CNTFR: variants seen among roughly 807,000 people sequenced by gnomAD.
CNTFR encodes ciliary neurotrophic factor receptor subunit alpha.
CNTFR carries 12 observed loss-of-function variants against 40.4 expected under a neutral mutation model. The ratio of observed to expected loss-of-function variants is 0.30; its 90% CI spans 0.19 to 0.48. The LOEUF is 0.48. CNTFR is among the 20% of genes least tolerant of loss of function. The pLI is 0.99. For synonymous variants in CNTFR, 202 were observed against 209.6 expected (o/e 0.96, Z 0.31); for missense variants, 414 against 506.8 (o/e 0.82, Z 1.76).
intron 2 of CNTFR, among the ~76,000 whole-genome samples, chr9:34,579,845 G>T (rs1282791304): frequency 6.6e-6 from 1 of 151,946 alleles, no homozygotes; most frequent in Non-Finnish European, 1.5e-5. Context: ...GCTGGGGGAG[G>T]GTGAACAGAA....
At position 34,557,500 on chromosome 9, in the gene CNTFR, C is replaced by T. The variant is rs1485350003; in HGVS notation, c.604+26G>A. On this transcript the variant is annotated intron_variant, in intron 6 of 9. Transcript: ENST00000378980. The surrounding 1 kb of genome is among the most constrained non-coding windows in gnomAD (Gnocchi z 4.2). ...CTTACATTCCCACTGGAGTAGGCAG[C>T]AGGTCCCCCCAACCGCCACACGTAC... is the stretch of plus-strand genomic sequence containing the variant. The T allele has an allele frequency of 1.7e-5, 27 of 1,606,838 alleles. No homozygotes were observed. The highest frequency in any genetic ancestry group is 2.1e-5 in the Non-Finnish European group (25 of 1,174,308).
chr9:34,585,468 C>T (rs1446151079), intron 1 of CNTFR, among the ~76,000 whole-genome samples: 1 of 152,148 alleles, frequency 6.6e-6, no homozygotes, highest in East Asian at 1.9e-4. Context: ...CTAGTCTTAG[C>T]TTTTGGGAGC....
At chr9:34,575,438 G>C (rs896416874) in intron 2 of CNTFR, among the ~76,000 whole-genome samples, 4 of 152,148 alleles carry the variant, frequency 2.6e-5, no homozygotes, top group Admixed American at 6.5e-5. Context: ...GCAGGGGGGT[G>C]GGGTAAGGAA....
chr9:34,590,394 G>A (rs534706669), upstream of CNTFR, among the ~76,000 whole-genome samples: 1 of 152,238 alleles, frequency 6.6e-6, no homozygotes, highest in African/African-American at 2.4e-5. Context: ...AGAGGAACGC[G>A]AGCCAGAACC....
intron 1 of CNTFR, among the ~76,000 whole-genome samples, chr9:34,588,839 G>A (rs565788981): frequency 3.3e-4 from 50 of 152,162 alleles, no homozygotes; most frequent in African/African-American, 1.2e-3. Context: ...TACACTACTC[G>A]GAGCAACACA....
Position 34,581,132 on chromosome 9 carries a change from C to T in CNTFR, c.-38G>A, listed in dbSNP as rs1291714287. ...GGCCACACACCAAGCACATCAATGT[C>T]CTCCTCCTCCTCCAGACCAACTCTT... On this transcript the variant is annotated 5_prime_UTR_variant, in exon 2 of 10. Coordinates refer to ENST00000378980, the MANE Select transcript of CNTFR (RefSeq NM_147164.3). 6.5e-6 allele frequency: 1 copy of T among 153,010 alleles called. No individual in the cohort carries two copies. Among genetic ancestry groups the T allele is most frequent in the Non-Finnish European group, 1.5e-5 (1 of 68,546 alleles). The allele number at this position is 153,010 out of a possible 1,614,324, so 9.5% of individuals were successfully genotyped here.
upstream of CNTFR, among the ~76,000 whole-genome samples, chr9:34,590,627 C>G (rs1827737557): frequency 6.6e-6 from 1 of 152,198 alleles, no homozygotes; most frequent in Non-Finnish European, 1.5e-5. Flanking sequence ...GACACACAGC[C>G]GGGGGAGAAG....
chr9:34,577,156 G>A (rs927762354), intron 2 of CNTFR, among the ~76,000 whole-genome samples: 5 of 152,302 alleles, frequency 3.3e-5, no homozygotes, highest in African/African-American at 7.2e-5. Flanking sequence ...GAGTAGACGC[G>A]GAGTCGCTGT....
At chr9:34,554,806 G>A (rs1450979607) in intron 7 of CNTFR, among the ~76,000 whole-genome samples, 1 of 152,202 alleles carries the variant, frequency 6.6e-6, no homozygotes, top group Non-Finnish European at 1.5e-5. Flanking sequence ...TCAAGGACTG[G>A]GGAGAATAGA....
intron 2 of CNTFR, among the ~76,000 whole-genome samples, chr9:34,578,018 G>T (rs897183535): frequency 6.6e-6 from 1 of 151,670 alleles, no homozygotes; most frequent in Non-Finnish European, 1.5e-5. Flanking sequence ...ACTGACCTGG[G>T]TCCCCACGCA....
intron 4 of CNTFR, among the ~76,000 whole-genome samples, chr9:34,559,735 C>T (rs1825992112): frequency 6.6e-6 from 1 of 152,070 alleles, no homozygotes. Context: ...CGAGAAGCCT[C>T]CACTCCCCGC....
chr9:34,582,393 GTTGGTAAAGGAGCTGGCC>G (rs1301140379), intron 1 of CNTFR: 2 of 151,978 alleles, frequency 1.3e-5, no homozygotes, highest in Non-Finnish European at 2.9e-5. Flanking sequence ...ACAACTGGTA[GTTGGTAAAGGAGCTGGCC>G]TTGAACTCAG....
rs1825640821 is a variant in CNTFR, at chr9:34,551,976, T to G, written c.*95A>C. On this transcript the variant is annotated 3_prime_UTR_variant, in exon 10 of 10. Transcript: ENST00000378980. ...CTGAAGAGAATGCAAAAGGTCCTCC[T>G]GCCCGTGTGCAAAATAGAAACCGGG... The G allele has an allele frequency of 2.6e-6, 2 of 781,664 alleles. No homozygotes were observed. Among genetic ancestry groups the G allele is most frequent in the Admixed American group, 4.0e-5 (2 of 50,138 alleles). The allele number at this position is 781,664 out of a possible 1,614,324, so 48.4% of individuals were successfully genotyped here.
intron 2 of CNTFR, among the ~76,000 whole-genome samples, 197 bp downstream of exon 2, chr9:34,580,898 A>G (rs925434946): frequency 5.9e-5 from 9 of 152,150 alleles, no homozygotes; most frequent in Admixed American, 6.5e-5. Context: ...GACCACAGGT[A>G]AGTCTCTTCC....
chr9:34,557,962 G>A lies in CNTFR; in HGVS notation c.342C>T (p.Leu114=), dbSNP rs1340899266. Residue 114 remains leucine, a synonymous_variant, in exon 5 of 10, where the codon CTC becomes CTT. Coordinates refer to ENST00000378980, the MANE Select transcript of CNTFR (RefSeq NM_147164.3). The surrounding 1 kb of genome is among the most constrained non-coding windows in gnomAD (Gnocchi z 4.2). ...TGGGGTAAGTGTTGGAGCGGCAGCT[G>A]AGCACAGGCTCCCGCGGCGGCACTG... ...HVGLPPREPV[L]SCRSNTYPKG... 1.9e-6 allele frequency: 3 copies of A among 1,552,552 alleles called. No homozygotes were observed. Among genetic ancestry groups the A allele is most frequent in the Non-Finnish European group, 2.6e-6 (3 of 1,150,010 alleles).
chr9:34,588,613 AAG>A (rs562673807), intron 1 of CNTFR, among the ~76,000 whole-genome samples: 58 of 152,206 alleles, frequency 3.8e-4, no homozygotes, highest in African/African-American at 1.3e-3. Context: ...GCTTCTCAAA[AAG>A]AGAGACTAGA....
At chr9:34,573,668 C>G (rs1371474165) in intron 2 of CNTFR, among the ~76,000 whole-genome samples, 2 of 152,216 alleles carry the variant, frequency 1.3e-5, no homozygotes, top group African/African-American at 4.8e-5. Flanking sequence ...CTGACTCCCA[C>G]AGCCCAGACT....
At chr9:34,578,800 T>A (rs7865031) in intron 2 of CNTFR, among the ~76,000 whole-genome samples, 7,582 of 152,264 alleles carry the variant, frequency 0.05, 654 homozygotes, top group African/African-American at 0.17. Flanking sequence ...TTACTTCCAG[T>A]GCTGGGAATT....
chr9:34,559,456 C>G (rs886263814), intron 4 of CNTFR, among the ~76,000 whole-genome samples: 1 of 152,200 alleles, frequency 6.6e-6, no homozygotes, highest in African/African-American at 2.4e-5. Context: ...AAAGCGGGGT[C>G]CAGCTGAGAC....
Sources: allele counts gnomAD v4.1 joint callset (sites outside exome capture counted in the v4.1 genomes callset), GRCh38; gene constraint gnomAD v4.1.1; non-coding constraint Gnocchi (gnomAD v3.1); transcripts MANE v1.5; gene names NCBI Gene and HGNC (gene_info 2026-07-23, HGNC 2026-07-21).